SLC35E1: variants seen among roughly 807,000 people sequenced by gnomAD.
SLC35E1 encodes the protein solute carrier family 35 member E1, also known as solute carrier family 35, member E1.
A neutral mutation model predicts 31.0 loss-of-function variants in SLC35E1; 12 were observed. The observed-to-expected ratio is 0.39, with a 90% CI of 0.25 to 0.63. The LOEUF (loss-of-function observed/expected upper bound fraction) is 0.63, where lower values mean the gene tolerates loss of function less well. SLC35E1 is among the 20% of genes least tolerant of loss of function. The pLI, the probability that SLC35E1 is intolerant of heterozygous loss-of-function variation, is 0.52. For missense variants in SLC35E1, 429 were observed against 572.2 expected (o/e 0.75, Z 2.55); for synonymous variants, 257 against 264.1 (o/e 0.97, Z 0.26).
rs2085870527 is a variant in SLC35E1, at chr19:16,555,366, A to G, written c.788T>C (p.Leu263Pro). ...ACAGAAGCCGCTGACAGCCAGGAGC[A>G]GGAGCGTCCAGGGCCACTGGTAGAC... ...TYVYQWPWTL[L>P]LLAVSGFCNF... Residue 263 changes from leucine to proline, a missense_variant, in exon 5 of 6, where the codon CTG becomes CCG. Coordinates refer to ENST00000595753, the MANE Select transcript of SLC35E1 (RefSeq NM_024881.5). The surrounding 1 kb of genome is among the most constrained non-coding windows in gnomAD (Gnocchi z 4.1). The G allele has an allele frequency of 1.9e-6, 3 of 1,613,996 alleles. No individual in the cohort carries two copies. The highest frequency in any genetic ancestry group is 2.5e-6 in the Non-Finnish European group (3 of 1,180,036).
At chr19:16,554,711 G>A (rs191107133) in intron 5 of SLC35E1, among the ~76,000 whole-genome samples, 22 of 151,934 alleles carry the variant, frequency 1.4e-4, no homozygotes, top group African/African-American at 5.1e-4. Context: ...CCAGCTACTC[G>A]GGAGGCTGAG....
In SLC35E1 at chr19:16,555,507, G is replaced by T; in HGVS notation, c.757-110C>A. Reference sequence around the variant, plus strand: ...AGGGATGTGGAGGGGCTCATCTGGAGCCTCATGGTCCACAGGCAGCCAGTC... The same window carrying T: ...AGGGATGTGGAGGGGCTCATCTGGATCCTCATGGTCCACAGGCAGCCAGTC... On this transcript the variant is annotated intron_variant, in intron 4 of 5. Transcript: ENST00000595753. The surrounding 1 kb of genome is among the most constrained non-coding windows in gnomAD (Gnocchi z 4.1). 1 of 1,445,272 alleles carries T rather than the reference G, an allele frequency of 6.9e-7. No homozygotes were observed. The highest frequency in any genetic ancestry group is 9.2e-7 in the Non-Finnish European group (1 of 1,082,054). 89.5% of individuals were successfully genotyped at this position (1,445,272 alleles called of 1,614,324 possible). A position where few individuals can be genotyped will look rare whatever the true frequency, so the allele number is the denominator to read the frequency against.
At chr19:16,571,907 C>A (rs2085960958) in intron 1 of SLC35E1, 37 bp downstream of exon 1, 1 of 1,523,762 alleles carries the variant, frequency 6.6e-7, no homozygotes, top group Non-Finnish European at 8.8e-7. Flanking sequence ...AAGCGGCGGG[C>A]CCGGCCGCCG....
At chr19:16,559,643 C>A (rs997010670) in intron 4 of SLC35E1, among the ~76,000 whole-genome samples, 2 of 152,126 alleles carry the variant, frequency 1.3e-5, no homozygotes, top group Non-Finnish European at 2.9e-5. Flanking sequence ...CAGAATGAGA[C>A]CCTCTCTCAA....
chr19:16,571,811 C>T (rs1453513275), intron 1 of SLC35E1, 133 bp downstream of exon 1: 5 of 1,061,540 alleles, frequency 4.7e-6, no homozygotes, highest in Admixed American at 5.2e-5. Context: ...CCTCCCCTAC[C>T]AAACCCTTGG....
Position 16,552,542 on chromosome 19 carries a change from C to G in SLC35E1, c.*1137G>C, listed in dbSNP as rs1239106503. 6.6e-6 allele frequency: 1 copy of G among 152,132 alleles called. No individual in the cohort carries two copies. The highest frequency in any genetic ancestry group is 1.5e-5 in the Non-Finnish European group (1 of 68,034). 9.4% of individuals were successfully genotyped at this position (152,132 alleles called of 1,614,324 possible). A position where few individuals can be genotyped will look rare whatever the true frequency, so the allele number is the denominator to read the frequency against. On this transcript the variant is annotated 3_prime_UTR_variant, in exon 6 of 6. Coordinates refer to ENST00000595753, the MANE Select transcript of SLC35E1 (RefSeq NM_024881.5). ...TAGAGATGGGGTTTCACTATGTTGG[C>G]CAGGCTGGTCTCGAACTCCTGACCT...
intron 4 of SLC35E1, among the ~76,000 whole-genome samples, chr19:16,561,240 A>AAAAAAAG (rs1568273090): frequency 1.6e-5 from 2 of 128,762 alleles, no homozygotes; most frequent in African/African-American, 6.6e-5. Context: ...AAAAAAAAAA[A>AAAAAAAG]AAAGAAAGAA....
At chr19:16,560,962 G>A (rs2122334347) in intron 4 of SLC35E1, among the ~76,000 whole-genome samples, 1 of 149,364 alleles carries the variant, frequency 6.7e-6, no homozygotes, top group South Asian at 2.1e-4. Context: ...ATCTCTTTGG[G>A]AGGTCGAGGC....
chr19:16,564,895 G>A (rs74548244), intron 4 of SLC35E1: 3 of 311,492 alleles, frequency 9.6e-6, no homozygotes, highest in Non-Finnish European at 1.3e-5. Flanking sequence ...AATGTGAAAC[G>A]AAAGTTAGAA....
chr19:16,562,551 TAATAC>T (rs1394911933), intron 4 of SLC35E1, among the ~76,000 whole-genome samples: 1 of 152,240 alleles, frequency 6.6e-6, no homozygotes, highest in African/African-American at 2.4e-5. Context: ...TTGTAATCCC[TAATAC>T]AATAAAACTG....
rs1412993153 is a variant in SLC35E1 at position 16,572,304 on chromosome 19, T to C, written c.61A>G (p.Ser21Gly). The change falls in exon 1 of 6, where the codon AGT becomes GGT. Residue 21 changes from serine to glycine, a missense_variant. By Grantham distance (56) the Ser-to-Gly change is moderately conservative (BLOSUM62 0). Coordinates refer to ENST00000595753, the MANE Select transcript of SLC35E1 (RefSeq NM_024881.5). The surrounding 1 kb of genome is among the most constrained non-coding windows in gnomAD (Gnocchi z 4.1). Reference protein sequence around the residue: ...GAGGPGAASSSGGAREGARVA... With the variant: ...GAGGPGAASSGGGAREGARVA... ...CGCGCGCCCTCGCGCGCCCCACCAC[T>C]GCTGCTCGCTGCGCCCGGGCCCCCC... The C allele has an allele frequency of 7.5e-7, 1 of 1,330,234 alleles. No individual in the cohort carries two copies. Among genetic ancestry groups the C allele is most frequent in the Non-Finnish European group, 9.7e-7 (1 of 1,034,694 alleles). 82.4% of individuals were successfully genotyped at this position (1,330,234 alleles called of 1,614,324 possible).
chr19:16,559,546 A>G (rs939257453), intron 4 of SLC35E1, among the ~76,000 whole-genome samples: 1 of 151,068 alleles, frequency 6.6e-6, no homozygotes, highest in Non-Finnish European at 1.5e-5. Context: ...CCAGCTACTC[A>G]AGAGGTTGAG....
rs768091661 is a variant in SLC35E1, at chr19:16,555,350, G to A, written c.804C>T (p.Ser268=). The part of the protein sequence containing the change: ...WPWTLLLLAV[S]GFCNFAQNVI... ...CATTCTGGGCAAAGTTACAGAAGCC[G>A]CTGACAGCCAGGAGCAGGAGCGTCC... Residue 268 remains serine, a synonymous_variant, in exon 5 of 6, where the codon AGC becomes AGT. Coordinates refer to ENST00000595753, the MANE Select transcript of SLC35E1 (RefSeq NM_024881.5). The surrounding 1 kb of genome is among the most constrained non-coding windows in gnomAD (Gnocchi z 4.1). The A allele has an allele frequency of 3.5e-5, 57 of 1,614,062 alleles. No individual in the cohort carries two copies. The highest frequency in any genetic ancestry group is 4.2e-5 in the Non-Finnish European group (50 of 1,180,038).
rs541711106 is a variant in SLC35E1, at chr19:16,570,871, C to T, written c.492+641G>A. ...CAGCACTTTGGGAGGCTGAGGCGGA[C>T]GGATCACTTGAGGTCAGGAGTTTGA... On this transcript the variant is annotated intron_variant, in intron 2 of 5. Transcript: ENST00000595753. 3.9e-5 allele frequency among the ~76,000 whole-genome samples: 6 copies of T among 152,134 alleles called. No individual in the cohort carries two copies. The South Asian group carries it at 6.2e-4, about 16-fold the overall frequency.
intron 4 of SLC35E1, among the ~76,000 whole-genome samples, chr19:16,561,070 T>G (rs1474506982): frequency 6.8e-6 from 1 of 147,100 alleles, no homozygotes; most frequent in Non-Finnish European, 1.5e-5. Flanking sequence ...AAAAATTAGC[T>G]GGGCATGATG....
chr19:16,560,612 G>A (rs1249912872), intron 4 of SLC35E1, among the ~76,000 whole-genome samples: 5 of 151,984 alleles, frequency 3.3e-5, no homozygotes, highest in South Asian at 2.1e-4. Context: ...CTGTAATCCC[G>A]GCACTTTGGG....
chr19:16,569,508 C>T (rs2085947537), intron 2 of SLC35E1, among the ~76,000 whole-genome samples: 1 of 152,202 alleles, frequency 6.6e-6, no homozygotes, highest in African/African-American at 2.4e-5. Context: ...GGCTAAACAA[C>T]TCCCAACTTC....
At chr19:16,558,264 G>A (rs1182914214) in intron 4 of SLC35E1, among the ~76,000 whole-genome samples, 3 of 151,938 alleles carry the variant, frequency 2.0e-5, no homozygotes, top group East Asian at 3.9e-4. Context: ...GGCTGGTCTC[G>A]AACTCCTGAC....
chr19:16,568,554 A>G (rs369679557), intron 2 of SLC35E1, among the ~76,000 whole-genome samples: 6 of 152,194 alleles, frequency 3.9e-5, no homozygotes, highest in Non-Finnish European at 7.3e-5. Context: ...TTTTTGAGAC[A>G]AAGTCTCGCT....
Sources: gnomAD v4.1 joint callset for allele counts (sites outside exome capture counted in the v4.1 genomes callset) on GRCh38, gnomAD v4.1.1 for gene constraint, Gnocchi (gnomAD v3.1) non-coding constraint, MANE v1.5 for transcripts, NCBI Gene and HGNC (gene_info 2026-07-23, HGNC 2026-07-21) for gene names.